The following ELOVL6 variants were observed in gnomAD, a reference collection of about 807,000 sequenced individuals.
The protein encoded by ELOVL6 is very long chain fatty acid elongase 6.
In ELOVL6, 8 loss-of-function variants were observed where a neutral mutation model predicts 31.7. The observed-to-expected ratio is 0.25, with a 90% CI of 0.15 to 0.45. ELOVL6 has a LOEUF of 0.45. Among genes scored for constraint, ELOVL6 ranks in the 20% least tolerant of loss-of-function variants. The pLI is 1.00. For synonymous variants in ELOVL6, 101 were observed against 117.7 expected (o/e 0.86, Z 0.92); for missense variants, 126 against 326.4 (o/e 0.39, Z 4.73).
intron 1 of ELOVL6, among the ~76,000 whole-genome samples, chr4:110,155,372 G>T (rs1316241892): frequency 6.6e-6 from 1 of 151,898 alleles, no homozygotes; most frequent in Non-Finnish European, 1.5e-5. Flanking sequence ...TAGCCCTAGA[G>T]ACTGAGAGCA....
At chr4:110,178,752 C>T (rs138620422) in intron 1 of ELOVL6, among the ~76,000 whole-genome samples, 4 of 151,694 alleles carry the variant, frequency 2.6e-5, no homozygotes, top group Admixed American at 2.0e-4. Flanking sequence ...TACTTGGGAG[C>T]CTGAGGCTGG....
At chr4:110,093,920 A>G (rs1229168641) in intron 2 of ELOVL6, among the ~76,000 whole-genome samples, 1 of 152,112 alleles carries the variant, frequency 6.6e-6, no homozygotes, top group African/African-American at 2.4e-5. Context: ...GCCAAATGTG[A>G]GCAAAATTCT....
At position 110,059,748 on chromosome 4, in the gene ELOVL6, G is replaced by T. The variant is rs765063349; in HGVS notation, c.228C>A (p.Phe76Leu). ...WSLTLAVFSIFGALRTGAYMV... is the reference protein window; with the variant it reads ...WSLTLAVFSILGALRTGAYMV... ...TATAAGCACCAGTTCGAAGAGCACC[G>T]AATATACTTCATAATGAAAAGAGAA... Residue 76 changes from phenylalanine (F) to leucine (L), a missense_variant, in exon 3 of 4, where the codon TTC becomes TTA. Phe to Leu is a conservative substitution (Grantham distance 22). Around this residue, in one of 3 missense-constraint regions of ELOVL6, gnomAD observed 53 missense variants for 193.4 expected, o/e 0.27. Transcript: ENST00000302274. The T allele has an allele frequency of 6.2e-7, 1 of 1,608,294 alleles. No homozygotes were observed. Among genetic ancestry groups the T allele is most frequent in the Admixed American group, 1.7e-5 (1 of 58,990 alleles).
Position 110,050,022 on chromosome 4 carries a change from T to C in ELOVL6, c.*1316A>G, listed in dbSNP as rs533434866. 86 of 152,502 alleles carry C rather than the reference T, an allele frequency of 5.6e-4. No individual in the cohort carries two copies. Among genetic ancestry groups the C allele is most frequent in the African/African-American group, 2.0e-3 (81 of 41,494 alleles). The allele number at this position is 152,502 out of a possible 1,614,324, so 9.4% of individuals were successfully genotyped here. A position where few individuals can be genotyped will look rare whatever the true frequency, so the allele number is the denominator to read the frequency against. On this transcript the variant is annotated 3_prime_UTR_variant, in exon 4 of 4. Transcript: ENST00000302274. Reference sequence around the variant, plus strand: ...GATTTGGCCAAAGACATGACAAGTATTTCATATCACTTAAAATTTGAGGGA... The same window carrying C: ...GATTTGGCCAAAGACATGACAAGTACTTCATATCACTTAAAATTTGAGGGA...
intron 2 of ELOVL6, among the ~76,000 whole-genome samples, chr4:110,096,081 A>C (rs1756572313): frequency 6.6e-6 from 1 of 152,190 alleles, no homozygotes; most frequent in South Asian, 2.1e-4. Context: ...GTTAGCAGTT[A>C]ATTGTCAAAT....
intron 2 of ELOVL6, among the ~76,000 whole-genome samples, chr4:110,101,377 T>G (rs1756736447): frequency 1.3e-5 from 2 of 151,348 alleles, no homozygotes; most frequent in South Asian, 4.2e-4. Context: ...TATATCAACT[T>G]CATTCATGAA....
At chr4:110,083,967 G>GAT (rs139261781) in intron 2 of ELOVL6, among the ~76,000 whole-genome samples, 2,029 of 15,158 alleles carry the variant, frequency 0.13, 276 homozygotes, top group South Asian at 0.2. Flanking sequence ...TGATATATAT[G>GAT]ATATAACATA....
chr4:110,174,386 G>A (rs1759039597), intron 1 of ELOVL6, among the ~76,000 whole-genome samples: 1 of 152,086 alleles, frequency 6.6e-6, no homozygotes, highest in South Asian at 2.1e-4. Context: ...GGCTGGTCTT[G>A]AACCCCCGGC....
chr4:110,077,051 A>T (rs962406988), intron 2 of ELOVL6, among the ~76,000 whole-genome samples: 13 of 152,212 alleles, frequency 8.5e-5, no homozygotes, highest in Non-Finnish European at 1.5e-4. Flanking sequence ...GGCGCCTGCC[A>T]TTGCTGAGGC....
At chr4:110,097,305 C>CAAAAAAAAAAAAAAAAAAAAAAAAA (rs33970271) in intron 2 of ELOVL6, among the ~76,000 whole-genome samples, 1 of 88,684 alleles carries the variant, frequency 1.1e-5, no homozygotes, top group African/African-American at 4.0e-5. Context: ...ACTCCATCTC[C>CAAAAAAAAAAAAAAAAAAAAAAAAA]AAAAAAAAAA....
upstream of ELOVL6, chr4:110,198,619 C>G: frequency 5.5e-6 from 2 of 361,132 alleles, no homozygotes; most frequent in Non-Finnish European, 1.0e-5. Context: ...TCTTAGTGCC[C>G]GCACGTTTGT....
Position 110,050,648 on chromosome 4 carries a change from T to C in ELOVL6, c.*690A>G, listed in dbSNP as rs1002487834. 2 of 152,960 alleles carry C rather than the reference T, an allele frequency of 1.3e-5. No individual in the cohort carries two copies. The highest frequency in any genetic ancestry group is 1.9e-4 in the East Asian group (1 of 5,192). The allele number at this position is 152,960 out of a possible 1,614,324, so 9.5% of individuals were successfully genotyped here. Reference sequence around the variant, plus strand: ...TGTTTCCATCCTCCCAGGAAGAATCTTGGGGAAGTATTCACCCCCTTTGGT... The same window carrying C: ...TGTTTCCATCCTCCCAGGAAGAATCCTGGGGAAGTATTCACCCCCTTTGGT... On this transcript the variant is annotated 3_prime_UTR_variant, in exon 4 of 4. Transcript: ENST00000302274.
At chr4:110,087,112 G>A (rs1756289449) in intron 2 of ELOVL6, among the ~76,000 whole-genome samples, 1 of 152,038 alleles carries the variant, frequency 6.6e-6, no homozygotes, top group African/African-American at 2.4e-5. Context: ...ACAAATTTGG[G>A]AGATATGAAG....
At chr4:110,111,819 T>C (rs552970784) in intron 1 of ELOVL6, among the ~76,000 whole-genome samples, 2 of 152,194 alleles carry the variant, frequency 1.3e-5, no homozygotes, top group South Asian at 4.2e-4. Flanking sequence ...TTGGGTATGG[T>C]AGAAAGCCTG....
rs1438289163 is a variant in ELOVL6 at position 110,059,592 on chromosome 4, A to G, written c.373+11T>C. The G allele has an allele frequency of 2.5e-6, 4 of 1,609,284 alleles. No individual in the cohort carries two copies. Among genetic ancestry groups the G allele is most frequent in the African/African-American group, 2.7e-5 (2 of 74,810 alleles). Reference sequence around the variant, plus strand: ...CAAAGAGAGGGAGAGGAAATGGAAGAAGATACTCACCTAGTTCGGGTGCTT... The same window carrying G: ...CAAAGAGAGGGAGAGGAAATGGAAGGAGATACTCACCTAGTTCGGGTGCTT... On this transcript the variant is annotated intron_variant, in intron 3 of 3. Transcript: ENST00000302274.
intron 1 of ELOVL6, among the ~76,000 whole-genome samples, chr4:110,140,919 A>G (rs1757933792): frequency 6.6e-6 from 1 of 152,148 alleles, no homozygotes; most frequent in African/African-American, 2.4e-5. Context: ...TTTACAAAAG[A>G]AAGAGGTTCA....
At position 110,063,750 on chromosome 4, in the gene ELOVL6, T is replaced by TAA. The variant is rs10658072; in HGVS notation, c.222-3998_222-3997dup. On this transcript the variant is annotated intron_variant, in intron 2 of 3. Transcript: ENST00000302274. ...TTTTCCCAGCTCTATGGTCATACTTTAAAAAAAAAAAAGAAAATAAAAGAA... is the reference window on the plus strand; with the variant it reads ...TTTTCCCAGCTCTATGGTCATACTTTAAAAAAAAAAAAAAGAAAATAAAAGAA... Among the ~76,000 whole-genome samples the TAA allele has an allele frequency of 7.3e-3, 1,056 of 144,026 alleles. 8 individuals are homozygous for TAA. Among genetic ancestry groups the TAA allele is most frequent in the African/African-American group, 0.024 (939 of 39,484 alleles). 94.5% of individuals were successfully genotyped at this position (144,026 alleles called of 152,430 possible).
chr4:110,173,197 A>G (rs1295585802), intron 1 of ELOVL6, among the ~76,000 whole-genome samples: 1 of 152,224 alleles, frequency 6.6e-6, no homozygotes, highest in Non-Finnish European at 1.5e-5. Flanking sequence ...GACTTAGTCA[A>G]GCATGAGAAC....
At chr4:110,056,627 A>G (rs1754994419) in intron 3 of ELOVL6, among the ~76,000 whole-genome samples, 1 of 152,240 alleles carries the variant, frequency 6.6e-6, no homozygotes, top group African/African-American at 2.4e-5. Context: ...TAGCCTCATT[A>G]AAGAACTATG....
Sources: gnomAD v4.1 joint callset for allele counts (sites outside exome capture counted in the v4.1 genomes callset) on GRCh38, gnomAD v4.1.1 for gene constraint, gnomAD v4.1.1 regional missense constraint, MANE v1.5 for transcripts, NCBI Gene and HGNC (gene_info 2026-07-23, HGNC 2026-07-21) for gene names.